Variants in EFHB observed in about 807,000 individuals in gnomAD.
EFHB encodes EF-hand domain-containing family member B.
A neutral mutation model predicts 87.2 loss-of-function variants in EFHB; 91 were observed. The ratio of observed to expected loss-of-function variants is 1.04; its 90% CI spans 0.88 to 1.24. EFHB has a LOEUF of 1.24. EFHB is among the 50% of genes most tolerant of loss of function. The pLI is 0.00. For missense variants in EFHB, 1,084 were observed against 998.8 expected, an observed-to-expected ratio of 1.09 and a Z score of -1.15; for synonymous variants, 325 against 333.6, an observed-to-expected ratio of 0.97 and a Z score of 0.28.
chr3:19,879,650 T>G lies in EFHB; in HGVS notation c.2483A>C (p.Lys828Thr). 1 of 1,591,354 alleles carries G rather than the reference T, an allele frequency of 6.3e-7. No homozygotes were observed. Among genetic ancestry groups the G allele is most frequent in the South Asian group, 1.2e-5 (1 of 86,348 alleles). Residue 828 changes from lysine to threonine, a missense_variant, in exon 13 of 13, where the codon AAG becomes ACG. Physicochemically the swap from Lys to Thr is moderately conservative, Grantham distance 78 (BLOSUM62 -1). Transcript: ENST00000295824. ...AAAATATCACATGAGTGTTTTACAC[T>G]TGATCCGGTCTGCATGCCGTAGCTC... ...LDELRHADRIKCKTLM is the reference protein window; with the variant it reads ...LDELRHADRITCKTLM
At chr3:19,884,305 G>T in intron 11 of EFHB, 98 bp downstream of exon 11, 1 of 1,159,216 alleles carries the variant, frequency 8.6e-7, no homozygotes, top group Non-Finnish European at 1.2e-6. Flanking sequence ...ACAAAGCTTT[G>T]GGAAACTTAA....
At position 19,896,755 on chromosome 3, in the gene EFHB, G is replaced by A. The variant is rs146611872; in HGVS notation, c.1657C>T (p.His553Tyr). Residue 553 changes from histidine to tyrosine, a missense_variant, in exon 9 of 13, where the codon CAT (histidine) becomes TAT (tyrosine). His to Tyr is a moderately conservative substitution (Grantham distance 83). Transcript: ENST00000295824. The stretch of plus-strand genomic sequence containing the variant: ...TGGTAATTAACTTTCTTCAGGTGAT[G>A]CCGAACTGCTGCAATCAGGGCTCGC... ...RQRALIAAVR[H>Y]HLKKVNYQKF... The A allele has an allele frequency of 7.4e-6, 12 of 1,613,882 alleles. No individual in the cohort carries two copies. Among genetic ancestry groups the A allele is most frequent in the East Asian group, 2.2e-5 (1 of 44,888 alleles).
intron 12 of EFHB, among the ~76,000 whole-genome samples, chr3:19,881,205 C>G (rs908221790): frequency 6.6e-6 from 1 of 152,158 alleles, no homozygotes; most frequent in Non-Finnish European, 1.5e-5. Flanking sequence ...TAAAAAGGCC[C>G]CTGCAGAGTG....
intron 1 of EFHB, chr3:19,940,493 C>A: frequency 2.0e-6 from 1 of 505,352 alleles, no homozygotes; most frequent in South Asian, 1.4e-5. Flanking sequence ...TGTTTGTCTT[C>A]ATCGTGAATC....
chr3:19,891,939 G>A (rs368359297), intron 9 of EFHB, among the ~76,000 whole-genome samples: 4 of 152,092 alleles, frequency 2.6e-5, no homozygotes, highest in East Asian at 1.9e-4. Context: ...TTTGTCTTAC[G>A]GTGAGAGAGG....
chr3:19,944,794 G>T (rs1230543701), intron 1 of EFHB, among the ~76,000 whole-genome samples: 2 of 152,114 alleles, frequency 1.3e-5, no homozygotes, highest in Non-Finnish European at 2.9e-5. Flanking sequence ...TCTTCTTAAT[G>T]TTCGTGATTC....
Position 19,898,812 on chromosome 3 carries a change from G to A in EFHB, c.1536C>T (p.Cys512=). The change falls in exon 8 of 13, where the codon TGC becomes TGT. Residue 512 remains cysteine, a synonymous_variant. Transcript: ENST00000295824. ...CAGGACGGAGACAAGCTCCAAATGT[G>A]CAGTCTGGGGGAACATTCATTGTTT... is the stretch of plus-strand genomic sequence containing the variant. The part of the protein sequence containing the change: ...IAETMNVPPD[C]TFGACLRPEE... 6.2e-7 allele frequency: 1 copy of A among 1,613,784 alleles called. No individual in the cohort carries two copies. The highest frequency in any genetic ancestry group is 8.5e-7 in the Non-Finnish European group (1 of 1,179,814).
chr3:19,925,313 A>T (rs1230208373), intron 1 of EFHB, among the ~76,000 whole-genome samples: 1 of 152,028 alleles, frequency 6.6e-6, no homozygotes, highest in South Asian at 2.1e-4. Context: ...TTGCATGTAT[A>T]TTGATCCTAT....
intron 8 of EFHB, 128 bp from the exon 9 acceptor site, chr3:19,896,969 T>C: frequency 1.3e-6 from 1 of 796,358 alleles, no homozygotes; most frequent in South Asian, 2.0e-5. Flanking sequence ...GACATGATTA[T>C]GCAGCATGTC....
intron 6 of EFHB, 71 bp from the exon 7 acceptor site, chr3:19,899,586 C>T (rs1211998658): frequency 7.4e-6 from 8 of 1,082,680 alleles, no homozygotes; most frequent in African/African-American, 3.2e-5. Flanking sequence ...ATACATAAGG[C>T]GAAGAATACC....
At chr3:19,895,133 G>A (rs1311833573) in intron 9 of EFHB, among the ~76,000 whole-genome samples, 3 of 148,336 alleles carry the variant, frequency 2.0e-5, no homozygotes, top group Non-Finnish European at 4.5e-5. Context: ...TATATGTAAG[G>A]CATATCAGCA....
chr3:19,913,742 A>G (rs1464556004), intron 5 of EFHB, among the ~76,000 whole-genome samples: 1 of 152,196 alleles, frequency 6.6e-6, no homozygotes, highest in Non-Finnish European at 1.5e-5. Flanking sequence ...GCCAAAGTAA[A>G]AAGATCAAAA....
chr3:19,897,426 A>G (rs1031947047), intron 8 of EFHB, among the ~76,000 whole-genome samples: 2 of 151,380 alleles, frequency 1.3e-5, no homozygotes, highest in African/African-American at 4.9e-5. Context: ...CCACACCCCA[A>G]CTAGAGTTGA....
chr3:19,883,814 G>A (rs2071742072), intron 11 of EFHB, among the ~76,000 whole-genome samples: 1 of 152,180 alleles, frequency 6.6e-6, no homozygotes. Context: ...AAGCCAAGTG[G>A]TGCCAAAGAC....
chr3:19,946,483 G>A (rs776997218), intron 1 of EFHB, among the ~76,000 whole-genome samples: 1 of 152,262 alleles, frequency 6.6e-6, no homozygotes, highest in East Asian at 1.9e-4. Flanking sequence ...ATAAAAGGCA[G>A]ACACTATTTT....
chr3:19,892,005 C>T (rs1694322372), intron 9 of EFHB, among the ~76,000 whole-genome samples: 1 of 152,134 alleles, frequency 6.6e-6, no homozygotes, highest in African/African-American at 2.4e-5. Flanking sequence ...TACAGTGAAC[C>T]TCTGACCCCT....
At chr3:19,935,783 G>C (rs558828071), upstream of EFHB, among the ~76,000 whole-genome samples, 1 of 151,846 alleles carries the variant, frequency 6.6e-6, no homozygotes, top group African/African-American at 2.4e-5. Context: ...AGGTAGAGGC[G>C]GGTGGATCAC....
chr3:19,893,877 G>A (rs141586819), intron 9 of EFHB, among the ~76,000 whole-genome samples: 1 of 152,138 alleles, frequency 6.6e-6, no homozygotes, highest in Non-Finnish European at 1.5e-5. Context: ...CACAATTATT[G>A]AACCTAACTG....
rs1695530501 is a variant in EFHB, at chr3:19,924,052, G to A, written c.790-3485C>T. 2.0e-5 allele frequency among the ~76,000 whole-genome samples: 3 copies of A among 152,238 alleles called. No homozygotes were observed. In the South Asian group the frequency reaches 6.2e-4, roughly 32 times the overall value. On this transcript the variant is annotated intron_variant, in intron 1 of 12. Coordinates refer to ENST00000295824, the MANE Select transcript of EFHB (RefSeq NM_144715.4). ...TCAAGACCAGCCTGGGCAACAAAGTGAGACCCTTATCTCTTTAAAAAAATA... is the reference window on the plus strand; with the variant it reads ...TCAAGACCAGCCTGGGCAACAAAGTAAGACCCTTATCTCTTTAAAAAAATA...
Sources: allele counts gnomAD v4.1 joint callset (sites outside exome capture counted in the v4.1 genomes callset), GRCh38; gene constraint gnomAD v4.1.1; transcripts MANE v1.5; gene names NCBI Gene and HGNC (gene_info 2026-07-23, HGNC 2026-07-21).